The following PCSK5 variants were observed in gnomAD, a reference collection of about 807,000 sequenced individuals.
PCSK5 encodes the protein proprotein convertase subtilisin/kexin type 5, also known as prohormone convertase 5.
A neutral mutation model predicts 233.2 loss-of-function variants in PCSK5; 129 were observed. The ratio of observed to expected loss-of-function variants is 0.55; its 90% CI spans 0.48 to 0.64. The LOEUF (loss-of-function observed/expected upper bound fraction) is 0.64, where lower values mean the gene tolerates loss of function less well. PCSK5 is among the 30% of genes least tolerant of loss of function. PCSK5 has a pLI of 0.00. For missense variants in PCSK5, 2,076 were observed against 2,430.1 expected, an observed-to-expected ratio of 0.85 and a Z score of 3.06; for synonymous variants, 825 against 879.2, an observed-to-expected ratio of 0.94 and a Z score of 1.09.
chr9:76,130,013 G>A (rs1034718483), intron 9 of PCSK5, among the ~76,000 whole-genome samples: 3 of 152,124 alleles, frequency 2.0e-5, no homozygotes, highest in Non-Finnish European at 4.4e-5. Context: ...ACATCCAAGT[G>A]TGGCCATGGC....
At chr9:76,317,805 G>A (rs1477779533) in intron 30 of PCSK5, among the ~76,000 whole-genome samples, 6 of 152,196 alleles carry the variant, frequency 3.9e-5, no homozygotes, top group Non-Finnish European at 4.4e-5. Context: ...TGAGAAGAAC[G>A]TCCCCTGGTA....
intron 28 of PCSK5, among the ~76,000 whole-genome samples, chr9:76,308,134 C>T (rs572464521): frequency 9.9e-5 from 15 of 152,140 alleles, no homozygotes; most frequent in African/African-American, 1.4e-4. Flanking sequence ...GAGGCAGAGG[C>T]GGCAGTGAGC....
In PCSK5 at chr9:76,324,241, T is replaced by C. The variant is rs572195304; in HGVS notation, c.4339+953T>C. 2.0e-5 allele frequency among the ~76,000 whole-genome samples: 3 copies of C among 151,948 alleles called. No homozygotes were observed. The East Asian group carries it at 5.8e-4, about 29-fold the overall frequency. On this transcript the variant is annotated intron_variant, in intron 32 of 37. Transcript: ENST00000674117. ...GCGCTCGGTCCATATTTTGTTATTGTTGTTCTTGAGATGGAGTCTCACTCT... is the reference window on the plus strand; with the variant it reads ...GCGCTCGGTCCATATTTTGTTATTGCTGTTCTTGAGATGGAGTCTCACTCT...
intron 7 of PCSK5, among the ~76,000 whole-genome samples, chr9:76,087,075 TAAAC>T (rs746298152): frequency 2.0e-5 from 3 of 151,486 alleles, no homozygotes; most frequent in East Asian, 2.0e-4. Flanking sequence ...ACTGTGAAAA[TAAAC>T]AAAGTAAAAG....
chr9:75,991,823 C>G (rs887886108), intron 3 of PCSK5, among the ~76,000 whole-genome samples: 3 of 151,886 alleles, frequency 2.0e-5, no homozygotes, highest in Non-Finnish European at 2.9e-5. Flanking sequence ...TCTGGGACTA[C>G]CAATTGAGAA....
intron 7 of PCSK5, among the ~76,000 whole-genome samples, chr9:76,079,900 T>G (rs1431857888): frequency 1.3e-5 from 2 of 152,274 alleles, no homozygotes; most frequent in East Asian, 3.9e-4. Context: ...ATTGAAATAT[T>G]TTTCTGTCTC....
At chr9:76,068,520 G>A (rs1830368510) in intron 6 of PCSK5, among the ~76,000 whole-genome samples, 1 of 151,810 alleles carries the variant, frequency 6.6e-6, no homozygotes, top group African/African-American at 2.4e-5. Context: ...ATGATATATG[G>A]CAAAAATCTC....
rs1423513200 is a variant in PCSK5 at position 76,008,848 on chromosome 9, G to T, written c.412-14890G>T. Among the ~76,000 whole-genome samples the T allele has an allele frequency of 3.3e-5, 5 of 152,320 alleles. No homozygotes were observed. The South Asian group carries it at 8.3e-4, about 25-fold the overall frequency. On this transcript the variant is annotated intron_variant, in intron 3 of 37. Coordinates refer to ENST00000674117, the MANE Select transcript of PCSK5 (RefSeq NM_001372043.1). ...GGACAAATTAGTATTATGCTGTAAA[G>T]TTACCCACCCTTAGACTGGTGGCAC... is the stretch of plus-strand genomic sequence containing the variant.
chr9:75,968,435 C>T (rs1214283694), intron 2 of PCSK5, among the ~76,000 whole-genome samples: 1 of 152,164 alleles, frequency 6.6e-6, no homozygotes, highest in African/African-American at 2.4e-5. Context: ...GCCAGGGACA[C>T]AGATAAGAAA....
intron 9 of PCSK5, among the ~76,000 whole-genome samples, chr9:76,121,183 G>A (rs777475549): frequency 3.0e-4 from 45 of 151,802 alleles, no homozygotes; most frequent in Non-Finnish European, 5.7e-4. Flanking sequence ...TGCGTATGCA[G>A]CGTTTTTTGT....
intron 3 of PCSK5, among the ~76,000 whole-genome samples, chr9:75,995,306 T>C (rs1234100095): frequency 6.6e-6 from 1 of 152,178 alleles, no homozygotes; most frequent in East Asian, 1.9e-4. Flanking sequence ...GAAACCTTAG[T>C]GACTCACACA....
chr9:76,118,620 A>G (rs1052622497), intron 9 of PCSK5, among the ~76,000 whole-genome samples: 1 of 148,666 alleles, frequency 6.7e-6, no homozygotes, highest in African/African-American at 2.6e-5. Context: ...ATTATAATCT[A>G]TTATTAGCAA....
chr9:76,179,838 GCTGCTGTGCAGGCCGA>G, intron 15 of PCSK5, 140 bp downstream of exon 15: 1 of 618,666 alleles, frequency 1.6e-6, no homozygotes, highest in East Asian at 2.8e-5. Context: ...TAGAAAAGAG[GCTGCTGTGCAGGCCGA>G]CTGCCTCCCT....
At chr9:76,180,759 G>A (rs1265810527) in intron 15 of PCSK5, among the ~76,000 whole-genome samples, 1 of 152,150 alleles carries the variant, frequency 6.6e-6, no homozygotes, top group Non-Finnish European at 1.5e-5. Context: ...TTAAGAGAAA[G>A]GAGGACTTTG....
At chr9:76,127,842 G>A (rs143482074) in intron 9 of PCSK5, among the ~76,000 whole-genome samples, 493 of 150,988 alleles carry the variant, frequency 3.3e-3, no homozygotes, top group Non-Finnish European at 5.5e-3. Context: ...TGGAGTCAGC[G>A]TTATTTTCTC....
At chr9:76,030,846 G>A (rs66464458) in intron 5 of PCSK5, among the ~76,000 whole-genome samples, 10,505 of 151,852 alleles carry the variant, frequency 0.069, 503 homozygotes, top group African/African-American at 0.13. Context: ...CATGACAGTC[G>A]TGCTCATCTG....
chr9:76,310,921 T>C, intron 30 of PCSK5, 70 bp downstream of exon 30: 1 of 1,050,146 alleles, frequency 9.5e-7, no homozygotes, highest in Non-Finnish European at 1.3e-6. Flanking sequence ...AGCAATTCTT[T>C]CTTATTCACC....
In PCSK5 at chr9:76,027,120, A is replaced by T. The variant is rs967812218; in HGVS notation, c.632+83A>T. 7 of 817,268 alleles carry T rather than the reference A, an allele frequency of 8.6e-6. No homozygotes were observed. In the African/African-American group the frequency reaches 1.2e-4, roughly 14 times the overall value. The allele number at this position is 817,268 out of a possible 1,614,324, so 50.6% of individuals were successfully genotyped here. A position where few individuals can be genotyped will look rare whatever the true frequency, so the allele number is the denominator to read the frequency against. The stretch of plus-strand genomic sequence containing the variant: ...TCATACTGAGGGAAGTATTTTCTTC[A>T]AAATCCTTGATAACATATGATTGCT... On this transcript the variant is annotated intron_variant, in intron 5 of 37. Coordinates refer to ENST00000674117, the MANE Select transcript of PCSK5 (RefSeq NM_001372043.1).
intron 4 of PCSK5, among the ~76,000 whole-genome samples, chr9:76,026,500 C>T (rs1206247848): frequency 6.6e-6 from 1 of 152,064 alleles, no homozygotes; most frequent in Non-Finnish European, 1.5e-5. Flanking sequence ...TGATTTTTGT[C>T]TTCTGAAATC....
Sources: gnomAD v4.1 joint callset for allele counts (sites outside exome capture counted in the v4.1 genomes callset) on GRCh38, gnomAD v4.1.1 for gene constraint, MANE v1.5 for transcripts, NCBI Gene and HGNC (gene_info 2026-07-23, HGNC 2026-07-21) for gene names.